Variants in SDK1 observed in about 807,000 individuals in gnomAD.
The protein encoded by SDK1 is sidekick cell adhesion molecule 1, also known as protein sidekick-1.
Under a neutral mutation model 245.5 loss-of-function variants are expected in SDK1, and 157 were observed. That is an observed-to-expected ratio of 0.64 (90% CI 0.56 to 0.73). The LOEUF (loss-of-function observed/expected upper bound fraction) is 0.73, where lower values mean the gene tolerates loss of function less well. Ranked by LOEUF, SDK1 falls within the 30% of genes least tolerant of loss-of-function variation. The pLI is 0.00. For synonymous variants in SDK1, 1,647 were observed against 1,278.5 expected, an observed-to-expected ratio of 1.29 and a Z score of -6.15; for missense variants, 3,583 against 3,002.3, an observed-to-expected ratio of 1.19 and a Z score of -4.52.
intron 1 of SDK1, among the ~76,000 whole-genome samples, chr7:3,483,873 T>G (rs777391497): frequency 9.9e-5 from 15 of 152,214 alleles, no homozygotes; most frequent in Non-Finnish European, 2.2e-4. Context: ...ATACGTTGGA[T>G]AAGCTCTACA....
At chr7:3,357,294 A>C (rs1291925433) in intron 1 of SDK1, among the ~76,000 whole-genome samples, 1 of 113,032 alleles carries the variant, frequency 8.8e-6, no homozygotes, top group African/African-American at 3.2e-5. Context: ...TTTATGTTTC[A>C]CTGTCTTTTT....
chr7:4,180,539 C>T (rs1230597740), intron 35 of SDK1, among the ~76,000 whole-genome samples: 4 of 152,052 alleles, frequency 2.6e-5, no homozygotes, highest in Non-Finnish European at 4.4e-5. Context: ...GGCTCCAGCT[C>T]TATGCCCAGC....
intron 4 of SDK1, among the ~76,000 whole-genome samples, chr7:3,728,270 T>A (rs1779074842): frequency 6.6e-6 from 1 of 152,234 alleles, no homozygotes; most frequent in Non-Finnish European, 1.5e-5. Context: ...TCTACCTATT[T>A]TAACTCTAGC....
chr7:3,530,953 G>C (rs1258346073), intron 1 of SDK1, among the ~76,000 whole-genome samples: 1 of 152,188 alleles, frequency 6.6e-6, no homozygotes, highest in Non-Finnish European at 1.5e-5. Context: ...TTATCGTATA[G>C]TTGATAACGT....
intron 20 of SDK1, among the ~76,000 whole-genome samples, chr7:4,068,554 G>C (rs537844539): frequency 6.6e-6 from 1 of 151,956 alleles, no homozygotes; most frequent in Non-Finnish European, 1.5e-5. Flanking sequence ...CCTCCAGTGA[G>C]AGCCCTGAGG....
chr7:3,892,603 G>A (rs1781487743), intron 5 of SDK1, among the ~76,000 whole-genome samples: 1 of 152,182 alleles, frequency 6.6e-6, no homozygotes, highest in African/African-American at 2.4e-5. Flanking sequence ...GTCTCTCACA[G>A]GCATAGATTC....
At chr7:3,591,999 C>G (rs781077564) in intron 1 of SDK1, among the ~76,000 whole-genome samples, 2 of 152,152 alleles carry the variant, frequency 1.3e-5, no homozygotes, top group Non-Finnish European at 2.9e-5. Flanking sequence ...TAGTTCTATA[C>G]AGAAACAAAT....
intron 28 of SDK1, among the ~76,000 whole-genome samples, chr7:4,137,812 G>A (rs1387107705): frequency 1.3e-5 from 2 of 152,188 alleles, no homozygotes; most frequent in Non-Finnish European, 2.9e-5. Context: ...CGCTGTAACC[G>A]TAATTACATA....
At chr7:3,479,755 A>G (rs1562511746) in intron 1 of SDK1, among the ~76,000 whole-genome samples, 1 of 151,430 alleles carries the variant, frequency 6.6e-6, no homozygotes, top group Non-Finnish European at 1.5e-5. Flanking sequence ...CTAGCTACTC[A>G]GGAAGTTGAG....
At chr7:4,232,066 C>G (rs1785810895) in intron 40 of SDK1, among the ~76,000 whole-genome samples, 1 of 127,602 alleles carries the variant, frequency 7.8e-6, no homozygotes, top group Admixed American at 8.3e-5. Flanking sequence ...TTTTTTTTAA[C>G]CAAACAGCCT....
intron 5 of SDK1, among the ~76,000 whole-genome samples, chr7:3,857,887 AT>A (rs1780586051): frequency 6.6e-6 from 1 of 152,226 alleles, no homozygotes; most frequent in Admixed American, 6.5e-5. Context: ...ATATTTTTGA[AT>A]AAACTGATCA....
At chr7:3,789,979 C>T (rs567510821) in intron 4 of SDK1, among the ~76,000 whole-genome samples, 2 of 152,216 alleles carry the variant, frequency 1.3e-5, no homozygotes, top group South Asian at 2.1e-4. Flanking sequence ...GCATGGTCGC[C>T]AGCTAACTCT....
At chr7:4,259,888 G>A (rs1351724504) in intron 44 of SDK1, among the ~76,000 whole-genome samples, 1 of 152,162 alleles carries the variant, frequency 6.6e-6, no homozygotes, top group Non-Finnish European at 1.5e-5. Flanking sequence ...TCAGGTGCAG[G>A]CTCCCACCCA....
At chr7:3,649,464 T>C (rs1035384606) in intron 4 of SDK1, among the ~76,000 whole-genome samples, 3 of 151,950 alleles carry the variant, frequency 2.0e-5, no homozygotes, top group African/African-American at 7.3e-5. Flanking sequence ...TTTCTATTAC[T>C]GCAGGCTAGA....
At chr7:3,629,962 C>G (rs1032166692) in intron 2 of SDK1, among the ~76,000 whole-genome samples, 9 of 152,242 alleles carry the variant, frequency 5.9e-5, no homozygotes, top group African/African-American at 1.4e-4. Flanking sequence ...AGGCAGAAAT[C>G]TAACTTATAA....
At chr7:3,770,028 C>T (rs60494036) in intron 4 of SDK1, among the ~76,000 whole-genome samples, 176 of 151,246 alleles carry the variant, frequency 1.2e-3, no homozygotes, top group African/African-American at 4.2e-3. Flanking sequence ...CTACAGTCTC[C>T]ATTCATGGAG....
At chr7:3,602,321 A>G (rs1268625830) in intron 1 of SDK1, among the ~76,000 whole-genome samples, 2 of 151,082 alleles carry the variant, frequency 1.3e-5, no homozygotes, top group Non-Finnish European at 3.0e-5. Flanking sequence ...CTATTTCTCC[A>G]CATCCTCTCC....
At chr7:4,239,485 C>T (rs1368831401) in intron 42 of SDK1, among the ~76,000 whole-genome samples, 3 of 152,162 alleles carry the variant, frequency 2.0e-5, no homozygotes, top group Non-Finnish European at 1.5e-5. Flanking sequence ...TCAATGAGAC[C>T]ACTTCTCTGG....
chr7:3,738,421 C>T (rs2115049150), intron 4 of SDK1, among the ~76,000 whole-genome samples: 1 of 152,308 alleles, frequency 6.6e-6, no homozygotes, highest in African/African-American at 2.4e-5. Flanking sequence ...CTCTCTGTGC[C>T]ACTACTATGC....
Sources: allele counts gnomAD v4.1 joint callset (sites outside exome capture counted in the v4.1 genomes callset), GRCh38; gene constraint gnomAD v4.1.1; transcripts MANE v1.5; gene names NCBI Gene and HGNC (gene_info 2026-07-23, HGNC 2026-07-21).